Variants in CCDC7 observed in about 807,000 individuals in gnomAD.
CCDC7 encodes coiled-coil domain containing 7.
A neutral mutation model predicts 196.9 loss-of-function variants in CCDC7; 183 were observed. The observed-to-expected ratio is 0.93, with a 90% CI of 0.82 to 1.05. The LOEUF (loss-of-function observed/expected upper bound fraction) is 1.05. Ranked by LOEUF, CCDC7 falls within the 50% of genes least tolerant of loss-of-function variation. The pLI, the probability that CCDC7 is intolerant of heterozygous loss-of-function variation, is 0.00. For missense variants in CCDC7, 1,540 were observed against 1,482.2 expected (o/e 1.04, Z -0.64); for synonymous variants, 525 against 484.6 (o/e 1.08, Z -1.10).
intron 11 of CCDC7, among the ~76,000 whole-genome samples, chr10:32,528,730 ACGTATATATGTATAT>A (rs2049124574): frequency 7.0e-6 from 1 of 143,008 alleles, no homozygotes; most frequent in Non-Finnish European, 1.5e-5. Flanking sequence ...ATACGTATTT[ACGTATATATGTATAT>A]ATACATATAT....
chr10:32,761,364 A>G (rs549184187), intron 28 of CCDC7, among the ~76,000 whole-genome samples: 98 of 152,128 alleles, frequency 6.4e-4, no homozygotes, highest in Middle Eastern at 3.4e-3. Context: ...TCATATGGCA[A>G]TAGGACACAA....
intron 9 of CCDC7, among the ~76,000 whole-genome samples, chr10:32,509,949 G>T (rs1270282798): frequency 6.6e-6 from 1 of 152,160 alleles, no homozygotes; most frequent in Non-Finnish European, 1.5e-5. Context: ...ATGTAAATTG[G>T]TAGAGCCATT....
intron 9 of CCDC7, chr10:32,499,117 A>G (rs940398533): frequency 1.3e-5 from 2 of 150,692 alleles, no homozygotes. Context: ...GAGGAAAAAA[A>G]AGCCTATTTA....
At chr10:32,777,397 A>T (rs1224104052) in intron 28 of CCDC7, among the ~76,000 whole-genome samples, 2 of 152,136 alleles carry the variant, frequency 1.3e-5, no homozygotes, top group African/African-American at 4.8e-5. Context: ...GTATATAGCC[A>T]GGAATGGGAT....
chr10:32,793,507 T>A (rs985434272), intron 29 of CCDC7, among the ~76,000 whole-genome samples: 2 of 152,200 alleles, frequency 1.3e-5, no homozygotes, highest in African/African-American at 4.8e-5. Context: ...TGATATTAGC[T>A]TTACAATTTA....
chr10:32,664,843 G>C (rs1409673658), intron 21 of CCDC7, among the ~76,000 whole-genome samples: 1 of 151,974 alleles, frequency 6.6e-6, no homozygotes, highest in African/African-American at 2.4e-5. Context: ...AGGTGAAATT[G>C]TGGATAATAT....
chr10:32,527,373 A>C (rs1306909923), intron 11 of CCDC7, among the ~76,000 whole-genome samples: 1 of 152,174 alleles, frequency 6.6e-6, no homozygotes, highest in Non-Finnish European at 1.5e-5. Context: ...AAAACGAGGA[A>C]CTGCGATTGC....
chr10:32,747,143 G>A (rs1187787676), intron 28 of CCDC7, among the ~76,000 whole-genome samples: 1 of 152,162 alleles, frequency 6.6e-6, no homozygotes, highest in Non-Finnish European at 1.5e-5. Flanking sequence ...AGAGAGAAAA[G>A]CCACAGGCCT....
intron 28 of CCDC7, among the ~76,000 whole-genome samples, chr10:32,733,508 A>G (rs2084339943): frequency 6.6e-6 from 1 of 152,146 alleles, no homozygotes; most frequent in Admixed American, 6.5e-5. Flanking sequence ...AAGTAGTATG[A>G]TAATTTTCAA....
chr10:32,618,157 A>G (rs1004141331), intron 18 of CCDC7, among the ~76,000 whole-genome samples: 17 of 151,954 alleles, frequency 1.1e-4, no homozygotes, highest in African/African-American at 3.6e-4. Context: ...TATAGGAAGA[A>G]TGTAATTTGA....
At chr10:32,456,122 C>A in intron 2 of CCDC7, 129 bp from the exon 4 acceptor site, 1 of 817,512 alleles carries the variant, frequency 1.2e-6, no homozygotes, top group Non-Finnish European at 1.7e-6. Flanking sequence ...TGGCTTCTTG[C>A]TGTAAATGTT....
chr10:32,845,504 A>G (rs1318345090), intron 34 of CCDC7, 39 bp from the exon 36 acceptor site: 1 of 1,503,132 alleles, frequency 6.7e-7, no homozygotes, highest in Non-Finnish European at 9.2e-7. Context: ...GGTAATGATA[A>G]TCTTACAAAA....
At chr10:32,511,259 G>C (rs1169683407) in intron 9 of CCDC7, 2 of 637,306 alleles carry the variant, frequency 3.1e-6, no homozygotes, top group Admixed American at 6.3e-5. Context: ...TTCTGTGGGG[G>C]GCGGGGGGGG....
intron 25 of CCDC7, among the ~76,000 whole-genome samples, 175 bp downstream of exon 26, chr10:32,711,905 G>A (rs1457041209): frequency 6.6e-6 from 1 of 152,136 alleles, no homozygotes; most frequent in Non-Finnish European, 1.5e-5. Flanking sequence ...GTTTTGGTTA[G>A]AATTTCTTGT....
upstream of CCDC7, among the ~76,000 whole-genome samples, chr10:32,445,377 T>C (rs1022718580): frequency 1.3e-5 from 2 of 152,180 alleles, no homozygotes; most frequent in African/African-American, 2.4e-5. Context: ...ATATAATGAA[T>C]TTTCAGAGTT....
intron 21 of CCDC7, among the ~76,000 whole-genome samples, chr10:32,672,034 A>G (rs2074159465): frequency 6.6e-6 from 1 of 152,106 alleles, no homozygotes; most frequent in Non-Finnish European, 1.5e-5. Context: ...GCTTGCTTGC[A>G]TTGGTAGTGG....
chr10:32,708,181 A>G (rs2080142648), intron 24 of CCDC7, among the ~76,000 whole-genome samples: 1 of 152,178 alleles, frequency 6.6e-6, no homozygotes, highest in Non-Finnish European at 1.5e-5. Flanking sequence ...ATCTACACCC[A>G]TCTGATCTTT....
intron 28 of CCDC7, among the ~76,000 whole-genome samples, chr10:32,732,056 A>C (rs1345730466): frequency 6.6e-6 from 1 of 152,196 alleles, no homozygotes; most frequent in African/African-American, 2.4e-5. Context: ...GTCTCAAAAA[A>C]AACAAAACAA....
intron 21 of CCDC7, among the ~76,000 whole-genome samples, chr10:32,676,226 G>A (rs2140913547): frequency 1.6e-5 from 2 of 124,056 alleles, no homozygotes; most frequent in African/African-American, 5.8e-5. Flanking sequence ...TAATTCACGT[G>A]GATTAAAGAC....
Sources: gnomAD v4.1 joint callset for allele counts (sites outside exome capture counted in the v4.1 genomes callset) on GRCh38, gnomAD v4.1.1 for gene constraint, MANE v1.5 for transcripts, NCBI Gene and HGNC (gene_info 2026-07-23, HGNC 2026-07-21) for gene names.